FAM124A: variants seen among roughly 807,000 people sequenced by gnomAD.
The protein encoded by FAM124A is family with sequence similarity 124 member A.
A neutral mutation model predicts 24.5 loss-of-function variants in FAM124A; 23 were observed. The observed-to-expected ratio is 0.94, with a 90% CI of 0.68 to 1.33. The LOEUF (loss-of-function observed/expected upper bound fraction) is 1.33. Among genes scored for constraint, FAM124A ranks in the 40% most tolerant of loss-of-function variants. The pLI, the probability that FAM124A is intolerant of heterozygous loss-of-function variation, is 0.00. For missense variants in FAM124A, 623 were observed against 722.8 expected, an observed-to-expected ratio of 0.86 and a Z score of 1.58; for synonymous variants, 287 against 314.7, an observed-to-expected ratio of 0.91 and a Z score of 0.93.
At chr13:51,231,262 C>T in intron 1 of FAM124A, 86 bp from the exon 2 acceptor site, 1 of 1,443,052 alleles carries the variant, frequency 6.9e-7, no homozygotes, top group Non-Finnish European at 9.7e-7. Flanking sequence ...CAGCTAAATG[C>T]TACTTACCAC....
intron 2 of FAM124A, among the ~76,000 whole-genome samples, chr13:51,244,392 A>G (rs150050196): frequency 8.6e-4 from 131 of 152,354 alleles, no homozygotes; most frequent in African/African-American, 2.9e-3. Context: ...AGTGCCTGGC[A>G]CATGGTGGGT....
intron 2 of FAM124A, among the ~76,000 whole-genome samples, chr13:51,235,186 A>G (rs911542560): frequency 2.6e-5 from 4 of 152,192 alleles, no homozygotes; most frequent in African/African-American, 9.6e-5. Context: ...CTGAAAGGCT[A>G]AACACACTGT....
At chr13:51,226,074 C>T (rs1175767046) in intron 1 of FAM124A, among the ~76,000 whole-genome samples, 1 of 140,388 alleles carries the variant, frequency 7.1e-6, no homozygotes, top group Non-Finnish European at 1.5e-5. Context: ...CTCACTGCAA[C>T]CTCAAATTCC....
Position 51,280,724 on chromosome 13 carries a change from G to A in FAM124A, c.1109G>A (p.Gly370Asp), listed in dbSNP as rs1253718922. ...TCCTTGTTTTGTTTGCCCACGGGAGGCCCCTCCCTGGCCTCCTCAGCTGAA... is the reference window on the plus strand; with the variant it reads ...TCCTTGTTTTGTTTGCCCACGGGAGACCCCTCCCTGGCCTCCTCAGCTGAA... ...SKSLFCLPTG[G>D]PSLASSAEPQ... Residue 370 changes from glycine to aspartate, a missense_variant, in exon 4 of 4, where the codon GGC (glycine) becomes GAC (aspartate). Gly to Asp is a moderately conservative substitution (Grantham distance 94, BLOSUM62 -1). Coordinates refer to ENST00000322475, the MANE Select transcript of FAM124A (RefSeq NM_001242312.2). 1 of 1,614,132 alleles carries A rather than the reference G, an allele frequency of 6.2e-7. No individual in the cohort carries two copies.
intron 2 of FAM124A, among the ~76,000 whole-genome samples, chr13:51,235,642 C>T (rs988741083): frequency 6.6e-6 from 1 of 152,212 alleles, no homozygotes; most frequent in Non-Finnish European, 1.5e-5. Flanking sequence ...TCTATTTTGT[C>T]TCCTAATTTT....
rs986811834 is a variant in FAM124A at position 51,240,032 on chromosome 13, G to A, written c.100+8653G>A. On this transcript the variant is annotated intron_variant, in intron 2 of 3. Coordinates refer to ENST00000322475, the MANE Select transcript of FAM124A (RefSeq NM_001242312.2). ...GCCACAGCAAAGCCATTGGTGCTCC[G>A]TCCAGCCTTTATGGAAAATATTTTC... Among the ~76,000 whole-genome samples the A allele has an allele frequency of 3.9e-5, 6 of 152,274 alleles. No homozygotes were observed. The East Asian group carries it at 5.8e-4, about 15-fold the overall frequency.
At chr13:51,263,867 G>A (rs922996060) in intron 3 of FAM124A, among the ~76,000 whole-genome samples, 1 of 152,158 alleles carries the variant, frequency 6.6e-6, no homozygotes, top group African/African-American at 2.4e-5. Context: ...AGGAATTGAG[G>A]ATTAAGTGCT....
intron 3 of FAM124A, among the ~76,000 whole-genome samples, chr13:51,266,545 T>A (rs1045880457): frequency 1.3e-5 from 2 of 152,218 alleles, no homozygotes; most frequent in Admixed American, 1.3e-4. Flanking sequence ...TGGAGACTGA[T>A]GACTTACCAG....
chr13:51,222,515 C>CGGGCGGCGGCGGCGAGGA lies in FAM124A; in HGVS notation c.17_34dup (p.Gly6_Glu11dup). On this transcript the variant is annotated inframe_insertion, in exon 1 of 4. Transcript: ENST00000322475. ...GGGACGTGCACCATGGACCCAAAGG[C>CGGGCGGCGGCGGCGAGGA]GGGCGGCGGCGGCGAGGAGGACGAC... 1 of 1,225,478 alleles carries CGGGCGGCGGCGGCGAGGA rather than the reference C, an allele frequency of 8.2e-7. No homozygotes were observed. The highest frequency in any genetic ancestry group is 1.0e-6 in the Non-Finnish European group (1 of 985,202). The allele number at this position is 1,225,478 out of a possible 1,614,324, so 75.9% of individuals were successfully genotyped here.
At chr13:51,244,856 C>T (rs985293846) in intron 2 of FAM124A, among the ~76,000 whole-genome samples, 24 of 152,346 alleles carry the variant, frequency 1.6e-4, no homozygotes, top group Non-Finnish European at 3.2e-4. Flanking sequence ...AGCCCATTCA[C>T]AGCAGGCTCT....
intron 3 of FAM124A, among the ~76,000 whole-genome samples, chr13:51,264,676 G>A (rs934526166): frequency 1.3e-5 from 2 of 151,882 alleles, no homozygotes; most frequent in Non-Finnish European, 2.9e-5. Flanking sequence ...ATCTTCCACA[G>A]CAGTGGCTTC....
intron 2 of FAM124A, among the ~76,000 whole-genome samples, chr13:51,241,961 A>G (rs1438744208): frequency 6.6e-6 from 1 of 152,200 alleles, no homozygotes; most frequent in Admixed American, 6.5e-5. Context: ...TTTTTAAGAT[A>G]AATCTTGACT....
Position 51,231,234 on chromosome 13 carries a change from T to C in FAM124A, c.69-114T>C, listed in dbSNP as rs74087408. The C allele has an allele frequency of 8.2e-5, 95 of 1,155,134 alleles. No homozygotes were observed. The African/African-American group carries it at 1.3e-3, about 16-fold the overall frequency. 71.6% of individuals were successfully genotyped at this position (1,155,134 alleles called of 1,614,324 possible). On this transcript the variant is annotated intron_variant, in intron 1 of 3. Coordinates refer to ENST00000322475, the MANE Select transcript of FAM124A (RefSeq NM_001242312.2). ...TGAGCCTTAGCACTGCAGTTTTTAATTGGTGACATTTCTTTACCAGCTAAA... is the reference window on the plus strand; with the variant it reads ...TGAGCCTTAGCACTGCAGTTTTTAACTGGTGACATTTCTTTACCAGCTAAA...
chr13:51,244,495 G>A (rs574502150), intron 2 of FAM124A, among the ~76,000 whole-genome samples: 38 of 152,288 alleles, frequency 2.5e-4, no homozygotes, highest in Non-Finnish European at 3.4e-4. Context: ...CATATTAATC[G>A]TTGCCCAAAA....
intron 3 of FAM124A, among the ~76,000 whole-genome samples, chr13:51,255,787 G>T (rs1370144129): frequency 1.3e-5 from 2 of 152,198 alleles, no homozygotes; most frequent in Non-Finnish European, 2.9e-5. Flanking sequence ...ACAGGGGGAG[G>T]CTGGGCAAAC....
chr13:51,264,585 G>A (rs570077249), intron 3 of FAM124A, among the ~76,000 whole-genome samples: 10 of 151,926 alleles, frequency 6.6e-5, no homozygotes, highest in Admixed American at 3.9e-4. Flanking sequence ...GATCGCGTCC[G>A]TGAATAGCCA....
At position 51,280,532 on chromosome 13, in the gene FAM124A, C is replaced by G; in HGVS notation, c.917C>G (p.Pro306Arg). The change falls in exon 4 of 4, where the codon CCG (proline) becomes CGG (arginine). Residue 306 changes from proline (P) to arginine (R), a missense_variant. Transcript: ENST00000322475. ...AAGAAACGTCATTCCACTCCTTTGC[C>G]GAGCACTGCTGTACCAAGCCATACA... is the stretch of plus-strand genomic sequence containing the variant. The part of the protein sequence containing the change: ...SEKKRHSTPL[P>R]STAVPSHTPG... 6.2e-7 allele frequency: 1 copy of G among 1,614,034 alleles called. No homozygotes were observed. The highest frequency in any genetic ancestry group is 8.5e-7 in the Non-Finnish European group (1 of 1,180,024).
Position 51,272,566 on chromosome 13 carries a change from T to TACACACACACACACACAC in FAM124A, c.835-7873_835-7856dup, listed in dbSNP as rs3138586. On this transcript the variant is annotated intron_variant, in intron 3 of 3. Transcript: ENST00000322475. This position sits in a 1 kb window ranked among gnomAD's most constrained non-coding sequence, Gnocchi z 4.2. ...ACCTATTTTTGTAAATAAAGCCTTA[T>TACACACACACACACACAC]ACACACACACACACACACACACACA... Among the ~76,000 whole-genome samples, 105 of 148,962 alleles carry TACACACACACACACACAC rather than the reference T, an allele frequency of 7.0e-4. No individual in the cohort carries two copies. The highest frequency in any genetic ancestry group is 5.2e-3 in the South Asian group (24 of 4,626).
chr13:51,267,595 T>G (rs1341691139), intron 3 of FAM124A, among the ~76,000 whole-genome samples: 1 of 152,184 alleles, frequency 6.6e-6, no homozygotes, highest in Non-Finnish European at 1.5e-5. Context: ...AGGTTTCATG[T>G]AAATAAGATT....
Sources: gnomAD v4.1 joint callset for allele counts (sites outside exome capture counted in the v4.1 genomes callset) on GRCh38, gnomAD v4.1.1 for gene constraint, Gnocchi (gnomAD v3.1) non-coding constraint, MANE v1.5 for transcripts, NCBI Gene and HGNC (gene_info 2026-07-23, HGNC 2026-07-21) for gene names.